The following PPM1E variants were observed in gnomAD, a reference collection of about 807,000 sequenced individuals.
The protein encoded by PPM1E is protein phosphatase 1E.
A neutral mutation model predicts 65.9 loss-of-function variants in PPM1E; 20 were observed. That is an observed-to-expected ratio of 0.30 (90% CI 0.21 to 0.44). The LOEUF (loss-of-function observed/expected upper bound fraction) is 0.44, where lower values mean the gene tolerates loss of function less well. Ranked by LOEUF, PPM1E falls within the 20% of genes least tolerant of loss-of-function variation. The pLI is 1.00. For synonymous variants in PPM1E, 352 were observed against 374.9 expected, an observed-to-expected ratio of 0.94 and a Z score of 0.70; for missense variants, 713 against 953.1, an observed-to-expected ratio of 0.75 and a Z score of 3.32.
At chr17:58,857,781 A>G (rs1052394171) in intron 1 of PPM1E, among the ~76,000 whole-genome samples, 2 of 152,138 alleles carry the variant, frequency 1.3e-5, no homozygotes, top group Non-Finnish European at 2.9e-5. Flanking sequence ...TCAGCAGATC[A>G]TTCAATTCTC....
intron 2 of PPM1E, among the ~76,000 whole-genome samples, chr17:58,965,049 T>TAA (rs57005125): frequency 7.1e-6 from 1 of 141,094 alleles, no homozygotes; most frequent in African/African-American, 2.6e-5. Flanking sequence ...CCGTCTTAAT[T>TAA]AAAAAAAAAA....
chr17:58,873,729 G>A (rs1415770098), intron 1 of PPM1E, among the ~76,000 whole-genome samples: 1 of 151,164 alleles, frequency 6.6e-6, no homozygotes, highest in Non-Finnish European at 1.5e-5. Context: ...CAAGTAGCTG[G>A]GACTACAGGT....
intron 2 of PPM1E, among the ~76,000 whole-genome samples, chr17:58,961,679 A>C (rs903259800): frequency 6.6e-6 from 1 of 152,234 alleles, no homozygotes; most frequent in Non-Finnish European, 1.5e-5. Flanking sequence ...TCCAATAGAC[A>C]GTGCAATGAT....
At chr17:58,781,088 A>T (rs1188003598) in intron 1 of PPM1E, among the ~76,000 whole-genome samples, 3 of 152,002 alleles carry the variant, frequency 2.0e-5, no homozygotes, top group Admixed American at 2.0e-4. Context: ...AGATTGGTAT[A>T]ATGGTAGATA....
At chr17:58,762,560 C>T (rs1375000553) in intron 1 of PPM1E, among the ~76,000 whole-genome samples, 4 of 152,022 alleles carry the variant, frequency 2.6e-5, no homozygotes, top group East Asian at 1.9e-4. Context: ...AGTTCTCTCA[C>T]GCTTACTACA....
At chr17:58,795,790 ATGT>A (rs1172221607) in intron 1 of PPM1E, among the ~76,000 whole-genome samples, 1 of 152,134 alleles carries the variant, frequency 6.6e-6, no homozygotes, top group Non-Finnish European at 1.5e-5. Flanking sequence ...ATGATTAGTG[ATGT>A]TGAGTATTTT....
In PPM1E at chr17:58,980,244, CTGTAAATG is replaced by C; in HGVS notation, c.1483_1490del (p.Val495Ter). 1 of 1,614,116 alleles carries C rather than the reference CTGTAAATG, an allele frequency of 6.2e-7. No individual in the cohort carries two copies. On this transcript the variant is annotated frameshift_variant, in exon 7 of 7. Coordinates refer to ENST00000308249, the MANE Select transcript of PPM1E (RefSeq NM_014906.5). LOFTEE classifies it high-confidence loss of function. This position sits in a 1 kb window ranked among gnomAD's most constrained non-coding sequence, Gnocchi z 4.7. ...GTATTCCTGAGGGACATGAACAAAG[CTGTAAATG>C]TTAGTGAGGAATCAGATTGGACAGA...
intron 1 of PPM1E, among the ~76,000 whole-genome samples, chr17:58,869,396 TTG>T: frequency 6.6e-6 from 1 of 152,292 alleles, no homozygotes; most frequent in East Asian, 1.9e-4. Context: ...GGCAGATCAT[TTG>T]TGAGTGGCTT....
intron 1 of PPM1E, among the ~76,000 whole-genome samples, chr17:58,816,872 C>T (rs1330271910): frequency 4.1e-5 from 6 of 147,084 alleles, no homozygotes; most frequent in South Asian, 2.2e-4. Context: ...CTCAGCTCAC[C>T]GCAACCTCCA....
intron 1 of PPM1E, chr17:58,836,116 G>A (rs2050653490): frequency 2.0e-5 from 3 of 152,064 alleles, no homozygotes; most frequent in African/African-American, 7.2e-5. Flanking sequence ...CTAACATGAT[G>A]CTAACCACTA....
chr17:58,770,022 A>G (rs1481236866), intron 1 of PPM1E, among the ~76,000 whole-genome samples: 3 of 151,928 alleles, frequency 2.0e-5, no homozygotes, highest in Non-Finnish European at 4.4e-5. Flanking sequence ...GCAAAACTCT[A>G]TCTAAAAAAA....
At chr17:58,757,222 A>C (rs1435871478) in intron 1 of PPM1E, among the ~76,000 whole-genome samples, 1 of 152,196 alleles carries the variant, frequency 6.6e-6, no homozygotes, top group Non-Finnish European at 1.5e-5. Flanking sequence ...ATTAAAGTGG[A>C]AAAGTCAGGC....
chr17:58,767,885 G>A (rs189472590), intron 1 of PPM1E, among the ~76,000 whole-genome samples: 4 of 151,840 alleles, frequency 2.6e-5, no homozygotes, highest in South Asian at 2.1e-4. Context: ...CAGGTGATCC[G>A]CCCACCTCGG....
intron 4 of PPM1E, among the ~76,000 whole-genome samples, chr17:58,971,349 C>T (rs918931437): frequency 1.1e-4 from 16 of 152,098 alleles, no homozygotes; most frequent in Admixed American, 5.9e-4. Flanking sequence ...CCACCCCTGA[C>T]GCATTGGTTC....
intron 1 of PPM1E, among the ~76,000 whole-genome samples, chr17:58,903,640 G>A (rs1355395388): frequency 2.0e-5 from 3 of 152,146 alleles, no homozygotes; most frequent in East Asian, 3.9e-4. Context: ...CACACCCACA[G>A]ACATAAACGT....
At chr17:58,979,767 AATT>A (rs2031253595) in intron 6 of PPM1E, among the ~76,000 whole-genome samples, 1 of 152,220 alleles carries the variant, frequency 6.6e-6, no homozygotes, top group Non-Finnish European at 1.5e-5. Context: ...AGTAACTAGC[AATT>A]ATTTAACTGG....
chr17:58,959,309 C>CAAAA (rs71145509), intron 2 of PPM1E, among the ~76,000 whole-genome samples: 1 of 57,120 alleles, frequency 1.8e-5, no homozygotes, highest in South Asian at 8.7e-4. Flanking sequence ...GACTCCGTCT[C>CAAAA]AAAAAAAAAA....
At chr17:58,955,421 G>C in intron 1 of PPM1E, 1 of 578,936 alleles carries the variant, frequency 1.7e-6, no homozygotes. Context: ...TATCCTATTA[G>C]TTTGTCATCT....
intron 1 of PPM1E, among the ~76,000 whole-genome samples, chr17:58,766,202 T>G (rs1215785567): frequency 3.0e-5 from 4 of 131,422 alleles, no homozygotes; most frequent in Admixed American, 7.5e-5. Context: ...TTCTGTTTTT[T>G]TTTTTTTTTT....
Sources: gnomAD v4.1 joint callset for allele counts (sites outside exome capture counted in the v4.1 genomes callset) on GRCh38, gnomAD v4.1.1 for gene constraint, Gnocchi (gnomAD v3.1) non-coding constraint, MANE v1.5 for transcripts, NCBI Gene and HGNC (gene_info 2026-07-23, HGNC 2026-07-21) for gene names.